PHACTR1: variants seen among roughly 807,000 people sequenced by gnomAD.
The protein encoded by PHACTR1 is RPEL repeat containing 1.
In PHACTR1, 16 loss-of-function variants were observed where a neutral mutation model predicts 69.2. That is an observed-to-expected ratio of 0.23 (90% confidence interval 0.16 to 0.35). The LOEUF (loss-of-function observed/expected upper bound fraction) is 0.35, where lower values mean the gene tolerates loss of function less well. Among genes scored for constraint, PHACTR1 ranks in the 10% least tolerant of loss-of-function variants. The pLI, the probability that PHACTR1 is intolerant of heterozygous loss-of-function variation, is 1.00. For synonymous variants in PHACTR1, 312 were observed against 284.5 expected, an observed-to-expected ratio of 1.10 and a Z score of -0.97; for missense variants, 510 against 734.7, an observed-to-expected ratio of 0.69 and a Z score of 3.54.
intron 7 of PHACTR1, among the ~76,000 whole-genome samples, chr6:13,197,460 A>G (rs1320671086): frequency 1.3e-5 from 2 of 152,224 alleles, no homozygotes; most frequent in South Asian, 2.1e-4. Flanking sequence ...ACTGAGGCTC[A>G]GGAAAGCTAA....
At chr6:12,835,648 C>A (rs12528247) in intron 4 of PHACTR1, among the ~76,000 whole-genome samples, 9,125 of 152,116 alleles carry the variant, frequency 0.06, 422 homozygotes, top group Admixed American at 0.1. Flanking sequence ...TAGGGATAGA[C>A]TAAATATTAA....
intron 4 of PHACTR1, among the ~76,000 whole-genome samples, chr6:12,864,874 C>T (rs751983894): frequency 1.3e-5 from 2 of 152,192 alleles, no homozygotes; most frequent in Non-Finnish European, 2.9e-5. Flanking sequence ...TCATGGTTGA[C>T]TTATACAGCC....
chr6:13,244,445 C>T lies in PHACTR1; in HGVS notation c.1391+14252C>T, dbSNP rs926129261. ...AAAATTTATTAGGTGAGAATTTCCTCTTCCTAATAAGCCTGGGAGCGCTAT... is the reference window on the plus strand; with the variant it reads ...AAAATTTATTAGGTGAGAATTTCCTTTTCCTAATAAGCCTGGGAGCGCTAT... On this transcript the variant is annotated intron_variant, in intron 10 of 14. Transcript: ENST00000332995. Among the ~76,000 whole-genome samples, 53 of 152,276 alleles carry T rather than the reference C, an allele frequency of 3.5e-4. 1 individual carries two copies. Among genetic ancestry groups the T allele is most frequent in the African/African-American group, 1.2e-3 (48 of 41,558 alleles).
At chr6:12,854,088 T>C (rs1203633473) in intron 4 of PHACTR1, among the ~76,000 whole-genome samples, 2 of 152,172 alleles carry the variant, frequency 1.3e-5, no homozygotes, top group African/African-American at 2.4e-5. Context: ...AAGGCTATAG[T>C]GGGAAGCAAA....
rs77250857 is a variant in PHACTR1 at position 12,721,633 on chromosome 6, C to T, written c.103+2786C>T. Among the ~76,000 whole-genome samples the T allele has an allele frequency of 1.6e-3, 249 of 152,328 alleles. 1 individual carries two copies. The highest frequency in any genetic ancestry group is 5.7e-3 in the African/African-American group (237 of 41,572). On this transcript the variant is annotated intron_variant, in intron 3 of 14. Coordinates refer to ENST00000332995, the MANE Select transcript of PHACTR1 (RefSeq NM_030948.6). ...TTTAAAGATGAGAGTCCCTCTCCCT[C>T]CAACACCTTCCCTAGATCCCCAGCA...
chr6:12,811,868 G>C (rs1050450629), intron 4 of PHACTR1, among the ~76,000 whole-genome samples: 5 of 152,084 alleles, frequency 3.3e-5, no homozygotes, highest in Admixed American at 2.0e-4. Context: ...CCGACACAGG[G>C]CTCAGCTCGT....
intron 4 of PHACTR1, among the ~76,000 whole-genome samples, chr6:12,826,063 G>A (rs916703232): frequency 2.0e-5 from 3 of 152,154 alleles, no homozygotes; most frequent in African/African-American, 7.2e-5. Flanking sequence ...AGATGACAAG[G>A]TTCTGTAATG....
At chr6:12,845,430 C>CCA (rs1554149745) in intron 4 of PHACTR1, among the ~76,000 whole-genome samples, 1 of 30,098 alleles carries the variant, frequency 3.3e-5, no homozygotes, top group African/African-American at 1.2e-4. Context: ...ACACCACCCA[C>CCA]CCCCCCCCCC....
rs1308855823 is a variant in PHACTR1, at chr6:13,129,575, G to A, written c.416-30629G>A. Among the ~76,000 whole-genome samples the A allele has an allele frequency of 4.6e-5, 7 of 152,020 alleles. No homozygotes were observed. In the South Asian group the frequency reaches 6.2e-4, roughly 14 times the overall value. ...AAAAAAAAATAGGGACTTACATAATGATAAAAGGAATAGTCCAGCAGGAAA... is the reference window on the plus strand; with the variant it reads ...AAAAAAAAATAGGGACTTACATAATAATAAAAGGAATAGTCCAGCAGGAAA... On this transcript the variant is annotated intron_variant, in intron 5 of 14. Transcript: ENST00000332995.
At chr6:13,076,119 C>T (rs569695635) in intron 5 of PHACTR1, among the ~76,000 whole-genome samples, 19 of 147,104 alleles carry the variant, frequency 1.3e-4, no homozygotes, top group Non-Finnish European at 1.0e-4. Flanking sequence ...TTCCTTTGTT[C>T]GACAAACACT....
intron 6 of PHACTR1, among the ~76,000 whole-genome samples, chr6:13,177,385 A>G (rs9381805): frequency 8.1e-6 from 1 of 124,038 alleles, no homozygotes; most frequent in Non-Finnish European, 1.9e-5. Flanking sequence ...CTCTCTCTAT[A>G]TATATATACA....
chr6:12,887,063 T>C (rs1433414351), intron 4 of PHACTR1, among the ~76,000 whole-genome samples: 1 of 152,098 alleles, frequency 6.6e-6, no homozygotes, highest in African/African-American at 2.4e-5. Flanking sequence ...CCTCCTTTTC[T>C]TTTTAATGAG....
chr6:13,242,616 T>G (rs938229316), intron 10 of PHACTR1, among the ~76,000 whole-genome samples: 4 of 152,202 alleles, frequency 2.6e-5, no homozygotes, highest in African/African-American at 9.7e-5. Flanking sequence ...AGGCTAAGTT[T>G]AGTAAAGCAA....
chr6:13,153,167 G>C (rs1223535), intron 5 of PHACTR1, among the ~76,000 whole-genome samples: 106,755 of 152,138 alleles, frequency 0.7, 39,314 homozygotes, highest in South Asian at 0.86. Context: ...GGTCGGCAAG[G>C]CTCCGAGGTG....
Position 13,181,732 on chromosome 6 carries a change from A to T in PHACTR1, c.497-787A>T, listed in dbSNP as rs1762201706. Among the ~76,000 whole-genome samples the T allele has an allele frequency of 2.0e-5, 3 of 152,062 alleles. No individual in the cohort carries two copies. The South Asian group carries it at 6.2e-4, about 32-fold the overall frequency. On this transcript the variant is annotated intron_variant, in intron 6 of 14. Coordinates refer to ENST00000332995, the MANE Select transcript of PHACTR1 (RefSeq NM_030948.6). Reference sequence around the variant, plus strand: ...AGGTGCAGATGAGAGCTGTCCTAATAGTTTATCCAAGTAGAGAAATTGGAC... The same window carrying T: ...AGGTGCAGATGAGAGCTGTCCTAATTGTTTATCCAAGTAGAGAAATTGGAC...
chr6:13,251,043 G>A (rs1199183624), intron 10 of PHACTR1, among the ~76,000 whole-genome samples: 1 of 152,182 alleles, frequency 6.6e-6, no homozygotes, highest in African/African-American at 2.4e-5. Context: ...TCAGTGAAAG[G>A]AGCTACTGAC....
chr6:12,867,670 C>T (rs1781590587), intron 4 of PHACTR1, among the ~76,000 whole-genome samples: 1 of 152,194 alleles, frequency 6.6e-6, no homozygotes, highest in Non-Finnish European at 1.5e-5. Context: ...TAATACATAG[C>T]AGCACTTCAC....
At chr6:12,879,693 C>G (rs1782889759) in intron 4 of PHACTR1, among the ~76,000 whole-genome samples, 1 of 152,164 alleles carries the variant, frequency 6.6e-6, no homozygotes, top group African/African-American at 2.4e-5. Context: ...TGGTCCTTAA[C>G]AAGAACTCTC....
intron 4 of PHACTR1, among the ~76,000 whole-genome samples, chr6:12,773,112 C>T (rs1423589470): frequency 6.6e-6 from 1 of 152,180 alleles, no homozygotes; most frequent in Non-Finnish European, 1.5e-5. Context: ...AGAAGTATCT[C>T]TTTTGTAGAA....
Sources: gnomAD v4.1 joint callset for allele counts (sites outside exome capture counted in the v4.1 genomes callset) on GRCh38, gnomAD v4.1.1 for gene constraint, MANE v1.5 for transcripts, NCBI Gene and HGNC (gene_info 2026-07-23, HGNC 2026-07-21) for gene names.